Variants in WWC2 observed in about 807,000 individuals in gnomAD.
WWC2 encodes WW and C2 domain containing 2, also known as protein WWC2.
Under a neutral mutation model 138.5 loss-of-function variants are expected in WWC2, and 101 were observed. That is an observed-to-expected ratio of 0.73 (90% CI 0.62 to 0.86). The LOEUF is 0.86. Among genes scored for constraint, WWC2 ranks in the 40% least tolerant of loss-of-function variants. The pLI, the probability that WWC2 is intolerant of heterozygous loss-of-function variation, is 0.00. For missense variants in WWC2, 1,420 were observed against 1,419.4 expected (o/e 1.00, Z -0.01); for synonymous variants, 558 against 538.4 (o/e 1.04, Z -0.50).
intron 6 of WWC2, among the ~76,000 whole-genome samples, chr4:183,247,379 A>G (rs534364768): frequency 2.0e-5 from 3 of 151,498 alleles, no homozygotes; most frequent in Admixed American, 6.6e-5. Context: ...TTTTCACTGT[A>G]TAGATGGAAA....
chr4:183,161,820 C>T (rs1015106394), intron 1 of WWC2, among the ~76,000 whole-genome samples: 5 of 152,126 alleles, frequency 3.3e-5, no homozygotes, highest in Non-Finnish European at 7.3e-5. Context: ...ATGAGGTCCG[C>T]ACAATGAAAT....
chr4:183,265,679 T>TCCATATAGA lies in WWC2; in HGVS notation c.2040-6_2042dup. 1.9e-6 allele frequency: 3 copies of TCCATATAGA among 1,606,710 alleles called. No homozygotes were observed. The highest frequency in any genetic ancestry group is 2.6e-6 in the Non-Finnish European group (3 of 1,176,410). ...TAATTAACTGTTCATCTACTCCCTGTCCATATAGACCTAGTGAAATGGAAG... is the reference window on the plus strand; with the variant it reads ...TAATTAACTGTTCATCTACTCCCTGTCCATATAGACCATATAGACCTAGTGAAATGGAAG... On this transcript the variant is annotated splice_polypyrimidine_tract_variant and intron_variant, in intron 12 of 22. Coordinates refer to ENST00000403733, the MANE Select transcript of WWC2 (RefSeq NM_024949.6).
intron 20 of WWC2, among the ~76,000 whole-genome samples, chr4:183,286,660 T>C (rs1233521713): frequency 6.6e-6 from 1 of 152,210 alleles, no homozygotes; most frequent in Non-Finnish European, 1.5e-5. Flanking sequence ...TGCTAACAGC[T>C]GAAATACTAA....
intron 16 of WWC2, 108 bp downstream of exon 16, chr4:183,271,349 A>T: frequency 1.1e-6 from 1 of 879,636 alleles, no homozygotes; most frequent in South Asian, 3.8e-5. Context: ...ACATGCTTTT[A>T]TCACTTTCAC....
In WWC2 at chr4:183,119,297, G is replaced by T. The variant is rs577722473; in HGVS notation, c.131+19675G>T. Among the ~76,000 whole-genome samples the T allele has an allele frequency of 1.3e-4, 20 of 152,278 alleles. No individual in the cohort carries two copies. In the East Asian group the frequency reaches 3.9e-3, roughly 29 times the overall value. On this transcript the variant is annotated intron_variant, in intron 1 of 22. Coordinates refer to ENST00000403733, the MANE Select transcript of WWC2 (RefSeq NM_024949.6). Reference sequence around the variant, plus strand: ...ACAGAAGTTACTTCTCCAGTTAAAGGCATGGAGTCTGGGAATGGCTTAGTT... The same window carrying T: ...ACAGAAGTTACTTCTCCAGTTAAAGTCATGGAGTCTGGGAATGGCTTAGTT...
intron 11 of WWC2, among the ~76,000 whole-genome samples, chr4:183,263,797 C>T (rs1333929188): frequency 6.6e-6 from 1 of 152,120 alleles, no homozygotes; most frequent in Non-Finnish European, 1.5e-5. Flanking sequence ...AAGTCACCAG[C>T]ACTTTTTTTC....
At chr4:183,140,817 T>C (rs1166765092) in intron 1 of WWC2, among the ~76,000 whole-genome samples, 1 of 152,174 alleles carries the variant, frequency 6.6e-6, no homozygotes, top group Admixed American at 6.5e-5. Flanking sequence ...CTTTACTGAA[T>C]TTTTACTCTA....
chr4:183,203,909 T>C (rs1735369784), intron 2 of WWC2, among the ~76,000 whole-genome samples: 1 of 152,162 alleles, frequency 6.6e-6, no homozygotes, highest in Non-Finnish European at 1.5e-5. Context: ...CAGGAGGGTA[T>C]GAGTAGTACA....
chr4:183,175,495 T>C (rs558527409), intron 1 of WWC2, among the ~76,000 whole-genome samples: 3 of 152,168 alleles, frequency 2.0e-5, no homozygotes, highest in Non-Finnish European at 4.4e-5. Flanking sequence ...ACCCCTGCGC[T>C]CAAATGATCG....
intron 1 of WWC2, among the ~76,000 whole-genome samples, chr4:183,152,207 T>A (rs1733653206): frequency 6.6e-6 from 1 of 152,090 alleles, no homozygotes; most frequent in South Asian, 2.1e-4. Context: ...ATGTACATTT[T>A]AAAAATATAT....
At chr4:183,193,776 A>C (rs1219590678) in intron 2 of WWC2, 68 bp downstream of exon 2, 1 of 1,273,020 alleles carries the variant, frequency 7.9e-7, no homozygotes, top group African/African-American at 1.5e-5. Flanking sequence ...ACAGTCACAC[A>C]AAAGAATAAA....
At chr4:183,253,110 G>T (rs767895186) in intron 8 of WWC2, among the ~76,000 whole-genome samples, 1 of 152,054 alleles carries the variant, frequency 6.6e-6, no homozygotes, top group Non-Finnish European at 1.5e-5. Flanking sequence ...CGAACTCATG[G>T]CCTCACATGA....
chr4:183,196,563 A>T (rs1735147764), intron 2 of WWC2, among the ~76,000 whole-genome samples: 4 of 152,162 alleles, frequency 2.6e-5, no homozygotes. Context: ...AGTCTTTCCC[A>T]GAGTCCAGAT....
intron 9 of WWC2, 62 bp downstream of exon 9, chr4:183,254,061 T>G: frequency 6.4e-7 from 1 of 1,561,296 alleles, no homozygotes. Flanking sequence ...AACTGGATAC[T>G]ATTTTCCCTG....
Position 183,232,415 on chromosome 4 carries a change from C to A in WWC2, c.523-7768C>A, listed in dbSNP as rs577949904. On this transcript the variant is annotated intron_variant, in intron 4 of 22. Transcript: ENST00000403733. The stretch of plus-strand genomic sequence containing the variant: ...GAACCTTGTGCCCATTAGCAGTTCT[C>A]CCCATTCCCCACACCTCCCTCCTCC... Among the ~76,000 whole-genome samples, 3 of 152,280 alleles carry A rather than the reference C, an allele frequency of 2.0e-5. No homozygotes were observed. In the East Asian group the frequency reaches 5.8e-4, roughly 29 times the overall value.
At chr4:183,203,182 T>G (rs1416390345) in intron 2 of WWC2, among the ~76,000 whole-genome samples, 1 of 152,106 alleles carries the variant, frequency 6.6e-6, no homozygotes, top group Non-Finnish European at 1.5e-5. Context: ...ATTTGCTTTT[T>G]TTTTTTTTTT....
intron 15 of WWC2, chr4:183,269,581 C>G: frequency 2.2e-6 from 1 of 461,746 alleles, no homozygotes; most frequent in Non-Finnish European, 4.5e-6. Context: ...CCACTATTTT[C>G]AGATAAGGAG....
In WWC2 at chr4:183,282,688, T is replaced by C. The variant is rs368782808; in HGVS notation, c.2685-20T>C. On this transcript the variant is annotated intron_variant, in intron 17 of 22. Transcript: ENST00000403733. ...AGCATGCCTGCCTACCAAAAGTGTT[T>C]TGTTTTTGTTTTACCATAGGCTAAC... The C allele has an allele frequency of 1.1e-4, 174 of 1,555,670 alleles. No homozygotes were observed. Among genetic ancestry groups the C allele is most frequent in the Non-Finnish European group, 1.4e-4 (162 of 1,149,142 alleles).
chr4:183,147,536 C>T (rs77599158), intron 1 of WWC2, among the ~76,000 whole-genome samples: 1,616 of 152,290 alleles, frequency 0.011, 30 homozygotes, highest in East Asian at 0.063. Context: ...GGATCTAAAA[C>T]GTGACAGTTA....
Sources: allele counts gnomAD v4.1 joint callset (sites outside exome capture counted in the v4.1 genomes callset), GRCh38; gene constraint gnomAD v4.1.1; transcripts MANE v1.5; gene names NCBI Gene and HGNC (gene_info 2026-07-23, HGNC 2026-07-21).